The following EDA variants were observed in gnomAD, a reference collection of about 807,000 sequenced individuals.
The protein encoded by EDA is ectodysplasin-A.
In EDA, 2 loss-of-function variants were observed where a neutral mutation model predicts 23.6. That is an observed-to-expected ratio of 0.08 (90% CI 0.03 to 0.27). The LOEUF (loss-of-function observed/expected upper bound fraction) is 0.27. Among genes scored for constraint, EDA ranks in the 10% least tolerant of loss-of-function variants. The pLI, the probability that EDA is intolerant of heterozygous loss-of-function variation, is 1.00. For missense variants in EDA, 229 were observed against 324.2 expected, an observed-to-expected ratio of 0.71 and a Z score of 2.26; for synonymous variants, 131 against 132.0, an observed-to-expected ratio of 0.99 and a Z score of 0.05.
chrX:69,978,706 C>A (rs965874428), intron 2 of EDA, among the ~76,000 whole-genome samples: 9 of 110,571 alleles, frequency 8.1e-5, no homozygotes, highest in African/African-American at 2.6e-4. Flanking sequence ...TTCCCCTATT[C>A]CCTCTCCCAG....
intron 1 of EDA, among the ~76,000 whole-genome samples, chrX:69,898,489 C>T (rs898923867): frequency 4.5e-5 from 5 of 110,380 alleles, no homozygotes; most frequent in Admixed American, 9.6e-5. Context: ...GGCTGAGACA[C>T]GAGAATCGCT....
At chrX:69,668,658 C>T (rs1414248910) in intron 1 of EDA, among the ~76,000 whole-genome samples, 2 of 111,136 alleles carry the variant, frequency 1.8e-5, no homozygotes, top group Non-Finnish European at 3.8e-5. Flanking sequence ...CTCACTGCAA[C>T]CTCCACCTCC....
intron 2 of EDA, among the ~76,000 whole-genome samples, chrX:70,015,564 C>T (rs1602607873): frequency 9.0e-6 from 1 of 111,248 alleles, no homozygotes; most frequent in Non-Finnish European, 1.9e-5. Flanking sequence ...CAGAGTGAGA[C>T]TCCATCTAAA....
At chrX:69,924,732 T>G (rs908153662) in intron 1 of EDA, among the ~76,000 whole-genome samples, 1 of 112,254 alleles carries the variant, frequency 8.9e-6, no homozygotes, top group East Asian at 2.8e-4. Context: ...TATAAATTAC[T>G]TTGGGCAGTA....
chrX:69,648,772 G>A (rs977219612), intron 1 of EDA, among the ~76,000 whole-genome samples: 3 of 111,846 alleles, frequency 2.7e-5, no homozygotes, highest in Non-Finnish European at 5.6e-5. Flanking sequence ...GGACTTGCCA[G>A]TGATCCTGGG....
At chrX:69,674,943 C>T (rs1174736685) in intron 1 of EDA, among the ~76,000 whole-genome samples, 1 of 111,619 alleles carries the variant, frequency 9.0e-6, no homozygotes, top group Non-Finnish European at 1.9e-5. Context: ...GTAACCTTTC[C>T]CAAGGTTCTG....
At chrX:69,863,531 GTA>G (rs755887733) in intron 1 of EDA, among the ~76,000 whole-genome samples, 1,161 of 32,956 alleles carry the variant, frequency 0.035, 23 homozygotes, top group African/African-American at 0.094. Flanking sequence ...ATATGTGTGT[GTA>G]TATATATATA....
chrX:69,654,960 A>T (rs979226510), intron 1 of EDA, among the ~76,000 whole-genome samples: 4 of 106,630 alleles, frequency 3.8e-5, no homozygotes, highest in Non-Finnish European at 7.8e-5. Flanking sequence ...CAATACAATT[A>T]AAAAAAAAAC....
chrX:69,885,345 A>G (rs1445041765), intron 1 of EDA, among the ~76,000 whole-genome samples: 1 of 111,218 alleles, frequency 9.0e-6, no homozygotes, highest in African/African-American at 3.3e-5. Context: ...TTAAACACTA[A>G]CTCCCCATTC....
At chrX:69,850,366 GC>G (rs1275806787) in intron 1 of EDA, among the ~76,000 whole-genome samples, 1 of 112,111 alleles carries the variant, frequency 8.9e-6, no homozygotes, top group Non-Finnish European at 1.9e-5. Context: ...AATGGTTTGA[GC>G]CTCTGTCATT....
chrX:69,855,618 T>A (rs1163551030), intron 1 of EDA, among the ~76,000 whole-genome samples: 1 of 111,491 alleles, frequency 9.0e-6, no homozygotes, highest in Non-Finnish European at 1.9e-5. Context: ...GAAGACCAGA[T>A]GGTTGTAGGT....
At chrX:69,876,058 C>T (rs1042494873) in intron 1 of EDA, among the ~76,000 whole-genome samples, 2 of 111,799 alleles carry the variant, frequency 1.8e-5, no homozygotes, top group East Asian at 2.8e-4. Context: ...CTAGCACAAC[C>T]GCTATGAAAT....
intron 1 of EDA, among the ~76,000 whole-genome samples, chrX:69,733,929 T>A (rs1324308304): frequency 1.2e-4 from 13 of 110,228 alleles, no homozygotes; most frequent in African/African-American, 2.3e-4. Flanking sequence ...CTTTTTTTTT[T>A]ATCAAGGTAA....
intron 1 of EDA, among the ~76,000 whole-genome samples, chrX:69,837,456 C>T (rs1036720971): frequency 2.3e-4 from 26 of 112,260 alleles, no homozygotes; most frequent in African/African-American, 8.4e-4. Flanking sequence ...ACTCATAAAC[C>T]AGTGTTAAAT....
At chrX:69,770,939 A>C (rs1410147288) in intron 1 of EDA, among the ~76,000 whole-genome samples, 1 of 112,131 alleles carries the variant, frequency 8.9e-6, no homozygotes, top group Non-Finnish European at 1.9e-5. Flanking sequence ...CTTTCTGACT[A>C]TAGATGTTCA....
At chrX:69,746,046 C>G (rs1415579819) in intron 1 of EDA, among the ~76,000 whole-genome samples, 1 of 111,213 alleles carries the variant, frequency 9.0e-6, no homozygotes, top group African/African-American at 3.3e-5. Context: ...CTCCTACTGC[C>G]TTCCTCTCTT....
At chrX:69,979,849 T>C (rs2019378496) in intron 2 of EDA, among the ~76,000 whole-genome samples, 1 of 112,074 alleles carries the variant, frequency 8.9e-6, no homozygotes, top group Admixed American at 9.5e-5. Context: ...CACTTTATTG[T>C]TGGTTTCATT....
intron 1 of EDA, among the ~76,000 whole-genome samples, chrX:69,927,027 G>A (rs1410087208): frequency 3.6e-5 from 4 of 110,565 alleles, no homozygotes; most frequent in Non-Finnish European, 7.6e-5. Context: ...CCATCCCTTT[G>A]TTTTGAGTCT....
intron 1 of EDA, among the ~76,000 whole-genome samples, chrX:69,659,776 C>A (rs1354679214): frequency 9.0e-6 from 1 of 111,485 alleles, no homozygotes; most frequent in African/African-American, 3.3e-5. Context: ...AGTGTATGGT[C>A]TAAATGATCT....
Sources: allele counts gnomAD v4.1 joint callset (sites outside exome capture counted in the v4.1 genomes callset), GRCh38; gene constraint gnomAD v4.1.1; transcripts MANE v1.5; gene names NCBI Gene and HGNC (gene_info 2026-07-23, HGNC 2026-07-21).